Variants in TMEM132D observed in about 807,000 individuals in gnomAD.
TMEM132D encodes mature OL transmembrane protein.
TMEM132D carries 21 observed loss-of-function variants against 62.3 expected under a neutral mutation model. That is an observed-to-expected ratio of 0.34 (90% CI 0.24 to 0.49). The LOEUF is 0.49. TMEM132D is among the 20% of genes least tolerant of loss of function. TMEM132D has a pLI of 0.99. For missense variants in TMEM132D, 1,346 were observed against 1,402.8 expected (o/e 0.96, Z 0.65); for synonymous variants, 621 against 575.6 (o/e 1.08, Z -1.13).
chr12:129,236,635 T>G (rs2135581826), intron 4 of TMEM132D, among the ~76,000 whole-genome samples: 1 of 152,292 alleles, frequency 6.6e-6, no homozygotes, highest in Non-Finnish European at 1.5e-5. Flanking sequence ...TCGTGGCGTC[T>G]TTAGGGTTAT....
chr12:129,487,168 A>C (rs1404698047), intron 3 of TMEM132D, among the ~76,000 whole-genome samples: 1 of 152,116 alleles, frequency 6.6e-6, no homozygotes, highest in Admixed American at 6.5e-5. Context: ...ACAGGAAGTA[A>C]AGGATGTGTA....
At chr12:129,328,964 T>TTA (rs1869011328) in intron 4 of TMEM132D, among the ~76,000 whole-genome samples, 1 of 149,136 alleles carries the variant, frequency 6.7e-6, no homozygotes, top group Non-Finnish European at 1.5e-5. Context: ...ATTAAATTCT[T>TTA]TATATATATA....
chr12:129,392,249 G>T (rs912829725), intron 3 of TMEM132D, among the ~76,000 whole-genome samples: 2 of 151,254 alleles, frequency 1.3e-5, no homozygotes, highest in Non-Finnish European at 2.9e-5. Flanking sequence ...TAGAGACAAG[G>T]TTTCTCCATG....
intron 2 of TMEM132D, among the ~76,000 whole-genome samples, chr12:129,609,911 C>T (rs559512240): frequency 5.9e-5 from 9 of 152,306 alleles, no homozygotes; most frequent in African/African-American, 1.9e-4. Context: ...TAGAAAGGGG[C>T]GTGGTCTACA....
rs905615764 is a variant in TMEM132D, at chr12:129,621,637, G to A, written c.968+78173C>T. Among the ~76,000 whole-genome samples, 2 of 152,322 alleles carry A rather than the reference G, an allele frequency of 1.3e-5. 1 individual carries two copies. Among genetic ancestry groups the A allele is most frequent in the South Asian group, 4.1e-4 (2 of 4,832 alleles). On this transcript the variant is annotated intron_variant, in intron 2 of 8. Coordinates refer to ENST00000422113, the MANE Select transcript of TMEM132D (RefSeq NM_133448.3). ...GAAGTGCTAGAGAGTGAGGCAGGTG[G>A]TGTCCCAGAGCTTTAAAAGAGCGAC...
intron 1 of TMEM132D, among the ~76,000 whole-genome samples, chr12:129,707,826 G>C (rs1163435893): frequency 6.6e-6 from 1 of 152,134 alleles, no homozygotes; most frequent in Admixed American, 6.6e-5. Context: ...GAGCCAGATC[G>C]CTATCCTCAT....
chr12:129,188,408 C>T (rs536212912), intron 5 of TMEM132D, among the ~76,000 whole-genome samples: 24 of 152,284 alleles, frequency 1.6e-4, no homozygotes, highest in African/African-American at 4.8e-4. Context: ...CCAGCTGACC[C>T]GCAGGCTTCT....
At chr12:129,098,997 T>C (rs2135633973) in intron 5 of TMEM132D, among the ~76,000 whole-genome samples, 1 of 152,290 alleles carries the variant, frequency 6.6e-6, no homozygotes, top group Admixed American at 6.5e-5. Flanking sequence ...TGGCCTCTGG[T>C]GCCTTCTCTG....
At chr12:129,083,985 C>T (rs7303978) in intron 6 of TMEM132D, among the ~76,000 whole-genome samples, 60,516 of 152,048 alleles carry the variant, frequency 0.4, 12,492 homozygotes, top group East Asian at 0.53. Context: ...TGGACTGGAG[C>T]GCAGAGAGGC....
intron 2 of TMEM132D, among the ~76,000 whole-genome samples, chr12:129,573,310 C>T (rs77108435): frequency 0.013 from 2,026 of 152,300 alleles, 47 homozygotes; most frequent in African/African-American, 0.046. Flanking sequence ...GATGAAAGCT[C>T]CTGCTTTTCA....
intron 3 of TMEM132D, among the ~76,000 whole-genome samples, chr12:129,506,240 A>T (rs1875326679): frequency 1.3e-5 from 2 of 152,142 alleles, no homozygotes; most frequent in South Asian, 4.1e-4. Context: ...TTCTCTCACC[A>T]TTTGTTTGTC....
chr12:129,404,927 TA>T (rs1871735685), intron 3 of TMEM132D, among the ~76,000 whole-genome samples: 1 of 152,182 alleles, frequency 6.6e-6, no homozygotes, highest in Non-Finnish European at 1.5e-5. Flanking sequence ...AAAGATCATT[TA>T]TTTTTTTAAT....
chr12:129,532,023 T>C (rs1876240779), intron 2 of TMEM132D, among the ~76,000 whole-genome samples: 1 of 151,848 alleles, frequency 6.6e-6, no homozygotes, highest in Admixed American at 6.6e-5. Context: ...CCCACAGCAC[T>C]CCAGTTTGGG....
chr12:129,179,758 T>A (rs1166176270), intron 5 of TMEM132D, among the ~76,000 whole-genome samples: 1 of 152,124 alleles, frequency 6.6e-6, no homozygotes, highest in Non-Finnish European at 1.5e-5. Flanking sequence ...CCGGGCCCGG[T>A]GGCTCACACC....
intron 1 of TMEM132D, among the ~76,000 whole-genome samples, chr12:129,793,489 C>T (rs929076754): frequency 6.6e-6 from 1 of 152,114 alleles, no homozygotes. Flanking sequence ...CTCCCACCAC[C>T]TCAACCTCAC....
chr12:129,269,333 A>G (rs1194992571), intron 4 of TMEM132D, among the ~76,000 whole-genome samples: 1 of 138,214 alleles, frequency 7.2e-6, no homozygotes, highest in African/African-American at 2.5e-5. Flanking sequence ...TATTTTTTGC[A>G]CAGTACTTTT....
At chr12:129,620,260 C>G (rs1188795717) in intron 2 of TMEM132D, among the ~76,000 whole-genome samples, 1 of 152,176 alleles carries the variant, frequency 6.6e-6, no homozygotes. Flanking sequence ...TGCTTTTGCC[C>G]TTGCTAGTGT....
intron 1 of TMEM132D, among the ~76,000 whole-genome samples, chr12:129,897,290 T>C (rs1875174563): frequency 6.6e-6 from 1 of 152,216 alleles, no homozygotes; most frequent in African/African-American, 2.4e-5. Context: ...ACGCATATGT[T>C]CACAGCATCA....
intron 4 of TMEM132D, among the ~76,000 whole-genome samples, chr12:129,239,408 A>C (rs1048811887): frequency 6.6e-6 from 1 of 152,108 alleles, no homozygotes; most frequent in Non-Finnish European, 1.5e-5. Context: ...TAAGGGCCCA[A>C]CTTCATTCTT....
Sources: allele counts gnomAD v4.1 joint callset (sites outside exome capture counted in the v4.1 genomes callset), GRCh38; gene constraint gnomAD v4.1.1; transcripts MANE v1.5; gene names NCBI Gene and HGNC (gene_info 2026-07-23, HGNC 2026-07-21).